IKBKB: variants seen among roughly 807,000 people sequenced by gnomAD.
IKBKB encodes inhibitor of nuclear factor kappa-B kinase subunit beta.
A neutral mutation model predicts 113.6 loss-of-function variants in IKBKB; 42 were observed. The ratio of observed to expected loss-of-function variants is 0.37; its 90% CI spans 0.29 to 0.48. The LOEUF (loss-of-function observed/expected upper bound fraction) is 0.48, where lower values mean the gene tolerates loss of function less well. Among genes scored for constraint, IKBKB ranks in the 20% least tolerant of loss-of-function variants. IKBKB has a pLI of 0.99. For synonymous variants in IKBKB, 296 were observed against 361.3 expected, an observed-to-expected ratio of 0.82 and a Z score of 2.05; for missense variants, 673 against 939.7, an observed-to-expected ratio of 0.72 and a Z score of 3.71.
chr8:42,273,481 G>A (rs1808262268), intron 2 of IKBKB, among the ~76,000 whole-genome samples: 1 of 151,610 alleles, frequency 6.6e-6, no homozygotes. Flanking sequence ...AGTATTGCTT[G>A]CGATACTGCA....
chr8:42,274,281 C>T (rs576839240), intron 2 of IKBKB, among the ~76,000 whole-genome samples: 3 of 152,172 alleles, frequency 2.0e-5, no homozygotes, highest in Non-Finnish European at 4.4e-5. Context: ...CTGCCCACCT[C>T]AGCCACCCAA....
At position 42,325,833 on chromosome 8, in the gene IKBKB, G is replaced by A. The variant is rs562059327; in HGVS notation, c.1987-137G>A. On this transcript the variant is annotated intron_variant, in intron 19 of 21. Transcript: ENST00000520810. ...GAAGCACCAGTTGACCCGCAGGTGG[G>A]GGTGCCAACTGGTAGGCTGTAGGGT... is the stretch of plus-strand genomic sequence containing the variant. 1.9e-5 allele frequency: 28 copies of A among 1,491,646 alleles called. 1 individual carries two copies. In the Admixed American group the frequency reaches 4.8e-4, roughly 25 times the overall value. 92.4% of individuals were successfully genotyped at this position (1,491,646 alleles called of 1,614,324 possible).
chr8:42,294,559 G>A (rs760462143), intron 5 of IKBKB, among the ~76,000 whole-genome samples: 25 of 152,170 alleles, frequency 1.6e-4, no homozygotes, highest in Non-Finnish European at 3.1e-4. Context: ...GAAGCAAGAA[G>A]GAAAGGAAGG....
rs1192874827 is a variant in IKBKB at position 42,308,969 on chromosome 8, C to CT, written c.639dup (p.Glu214Ter). The CT allele has an allele frequency of 6.2e-7, 1 of 1,614,188 alleles. No individual in the cohort carries two copies. The highest frequency in any genetic ancestry group is 8.5e-7 in the Non-Finnish European group (1 of 1,180,012). ...ACTACTGGAGCTTCGGCACCCTGGC[C>CT]TTTGAGTGCATCACGGGCTTCCGGC... On this transcript the variant is annotated frameshift_variant, in exon 8 of 22. Transcript: ENST00000520810. LOFTEE classifies it high-confidence loss of function.
intron 5 of IKBKB, among the ~76,000 whole-genome samples, chr8:42,303,091 A>AGAGAGAG (rs1815674933): frequency 3.5e-5 from 2 of 57,842 alleles, no homozygotes; most frequent in African/African-American, 1.8e-4. Flanking sequence ...GAGAGAGAGA[A>AGAGAGAG]TGAGAGAGAG....
rs1813084527 is a variant in IKBKB at position 42,293,525 on chromosome 8, C to G, written c.388+13C>G. 6.2e-7 allele frequency: 1 copy of G among 1,614,046 alleles called. No homozygotes were observed. The highest frequency in any genetic ancestry group is 8.5e-7 in the Non-Finnish European group (1 of 1,180,036). On this transcript the variant is annotated intron_variant, in intron 5 of 21. Coordinates refer to ENST00000520810, the MANE Select transcript of IKBKB (RefSeq NM_001556.3). ...CTGAGTGACATTGGTAAATCCCAGTCCCGGAATTCAGGCCGTGTCCTTCAG... is the reference window on the plus strand; with the variant it reads ...CTGAGTGACATTGGTAAATCCCAGTGCCGGAATTCAGGCCGTGTCCTTCAG...
rs1817052373 is a variant in IKBKB at position 42,308,663 on chromosome 8, C to T, written c.568-238C>T. ...GATGGGTGTGTGATGTACTCTGGCC[C>T]TGAATCTTTAGCCCCTCCATCAGTA... On this transcript the variant is annotated intron_variant, in intron 7 of 21. Coordinates refer to ENST00000520810, the MANE Select transcript of IKBKB (RefSeq NM_001556.3). Among the ~76,000 whole-genome samples, 4 of 152,174 alleles carry T rather than the reference C, an allele frequency of 2.6e-5. No homozygotes were observed. In the South Asian group the frequency reaches 8.3e-4, roughly 31 times the overall value.
At chr8:42,283,848 T>C (rs1810840274) in intron 2 of IKBKB, among the ~76,000 whole-genome samples, 1 of 152,242 alleles carries the variant, frequency 6.6e-6, no homozygotes. Context: ...GTCTCAGTCA[T>C]TCTAAGGTAA....
At chr8:42,327,397 G>A (rs1482732622) in intron 20 of IKBKB, among the ~76,000 whole-genome samples, 1 of 146,238 alleles carries the variant, frequency 6.8e-6, no homozygotes, top group Admixed American at 7.1e-5. Context: ...GCAGTGGCGC[G>A]ATCTTGGCTC....
At position 42,271,373 on chromosome 8, in the gene IKBKB, G is replaced by A. The variant is rs750087417; in HGVS notation, c.-115G>A. ...CGCGTTAAGATTCCCGCATTTTAAT[G>A]TTTTCAGGGGGGTGTCATAGCCCCG... On this transcript the variant is annotated 5_prime_UTR_variant, in exon 1 of 22. The change abolishes an upstream ATG in the 5' untranslated region. Transcript: ENST00000520810. 6 of 1,504,032 alleles carry A rather than the reference G, an allele frequency of 4.0e-6. No homozygotes were observed. The highest frequency in any genetic ancestry group is 1.7e-4 in the Middle Eastern group (1 of 5,792). 93.2% of individuals were successfully genotyped at this position (1,504,032 alleles called of 1,614,324 possible). A position where few individuals can be genotyped will look rare whatever the true frequency, so the allele number is the denominator to read the frequency against.
At chr8:42,318,472 G>A in intron 12 of IKBKB, 80 bp from the exon 13 acceptor site, 1 of 1,503,646 alleles carries the variant, frequency 6.7e-7, no homozygotes, top group Non-Finnish European at 9.1e-7. Context: ...AGTGCCAGTA[G>A]TGTCGAAGGC....
intron 5 of IKBKB, chr8:42,298,422 A>G (rs945287921): frequency 1.0e-6 from 1 of 985,408 alleles, no homozygotes; most frequent in Non-Finnish European, 1.2e-6. Context: ...AGCGTTAAAG[A>G]ACAGAGGGTT....
rs1384700561 is a variant in IKBKB at position 42,316,297 on chromosome 8, C to T, written c.888C>T (p.Pro296=). The T allele has an allele frequency of 6.2e-7, 1 of 1,614,154 alleles. No individual in the cohort carries two copies. The highest frequency in any genetic ancestry group is 8.5e-7 in the Non-Finnish European group (1 of 1,180,024). The change falls in exon 10 of 22, where the codon CCC becomes CCT. Residue 296 remains proline (P), a synonymous_variant. Transcript: ENST00000520810. The surrounding 1 kb of genome is among the most constrained non-coding windows in gnomAD (Gnocchi z 4.5). Reference sequence around the variant, plus strand: ...GGGGCACGGATCCCACGTATGGGCCCAATGGCTGCTTCAAGGCCCTGGATG... The same window carrying T: ...GGGGCACGGATCCCACGTATGGGCCTAATGGCTGCTTCAAGGCCCTGGATG... The part of the protein sequence containing the change: ...RQRGTDPTYG[P]NGCFKALDDI...
intron 8 of IKBKB, 94 bp downstream of exon 8, chr8:42,309,119 T>C: frequency 7.4e-7 from 1 of 1,350,720 alleles, no homozygotes. Context: ...TCACCGGGCC[T>C]GGGAGATCTG....
intron 2 of IKBKB, among the ~76,000 whole-genome samples, chr8:42,277,438 C>A (rs1809408633): frequency 6.6e-6 from 1 of 152,132 alleles, no homozygotes; most frequent in South Asian, 2.1e-4. Context: ...CCACCTTGGC[C>A]TCCCAAAGTG....
intron 3 of IKBKB, 66 bp downstream of exon 3, chr8:42,288,794 G>A (rs1811959777): frequency 1.5e-6 from 2 of 1,333,024 alleles, no homozygotes; most frequent in African/African-American, 2.9e-5. Context: ...TGTCTAGAAA[G>A]GAGAGTCTTG....
At chr8:42,303,106 A>AGAGAGAGAGAGAAT in intron 5 of IKBKB, among the ~76,000 whole-genome samples, 1 of 151,200 alleles carries the variant, frequency 6.6e-6, no homozygotes, top group African/African-American at 2.4e-5. Context: ...AGAGAGAGAG[A>AGAGAGAGAGAGAAT]GAGAGAGAGA....
chr8:42,316,929 A>G lies in IKBKB; in HGVS notation c.1125+25A>G, dbSNP rs374844753. ...GGTGAGCCCTGGCTTCGTACACACC[A>G]TCCTGTTTACCTTGGCTGTGCCTCC... On this transcript the variant is annotated intron_variant, in intron 11 of 21. Coordinates refer to ENST00000520810, the MANE Select transcript of IKBKB (RefSeq NM_001556.3). The surrounding 1 kb of genome is among the most constrained non-coding windows in gnomAD (Gnocchi z 4.5). 27 of 1,607,426 alleles carry G rather than the reference A, an allele frequency of 1.7e-5. No individual in the cohort carries two copies. The highest frequency in any genetic ancestry group is 1.9e-5 in the Non-Finnish European group (22 of 1,175,072).
intron 11 of IKBKB, 93 bp from the exon 12 acceptor site, chr8:42,317,564 G>A (rs2130645280): frequency 2.4e-6 from 2 of 836,488 alleles, no homozygotes; most frequent in East Asian, 5.0e-5. Context: ...TGCTCTTGCT[G>A]AACAGTGGGG....
Sources: gnomAD v4.1 joint callset for allele counts (sites outside exome capture counted in the v4.1 genomes callset) on GRCh38, gnomAD v4.1.1 for gene constraint, Gnocchi (gnomAD v3.1) non-coding constraint, MANE v1.5 for transcripts, NCBI Gene and HGNC (gene_info 2026-07-23, HGNC 2026-07-21) for gene names.